Variants in DISC1 observed in about 807,000 individuals in gnomAD.
DISC1 encodes the protein DISC1 scaffold protein, also known as disrupted in schizophrenia 1 protein.
In DISC1, 57 loss-of-function variants were observed where a neutral mutation model predicts 84.5. That is an observed-to-expected ratio of 0.67 (90% CI 0.55 to 0.84). DISC1 has a LOEUF of 0.84. Among genes scored for constraint, DISC1 ranks in the 40% least tolerant of loss-of-function variants. DISC1 has a pLI of 0.00. For missense variants in DISC1, 1,000 were observed against 1,057.8 expected, an observed-to-expected ratio of 0.95 and a Z score of 0.76; for synonymous variants, 411 against 415.2, an observed-to-expected ratio of 0.99 and a Z score of 0.12.
chr1:231,635,875 A>G (rs2059150378), intron 1 of DISC1, among the ~76,000 whole-genome samples: 1 of 152,212 alleles, frequency 6.6e-6, no homozygotes, highest in Admixed American at 6.5e-5. Context: ...TGTCTACACC[A>G]TTGAGAAGCC....
intron 9 of DISC1, among the ~76,000 whole-genome samples, chr1:231,924,494 G>A (rs560562636): frequency 2.0e-5 from 3 of 152,246 alleles, no homozygotes; most frequent in South Asian, 2.1e-4. Context: ...GAATGTATCT[G>A]TGTGGGTGAA....
At chr1:231,849,208 C>T (rs1309746176) in intron 9 of DISC1, among the ~76,000 whole-genome samples, 2 of 150,744 alleles carry the variant, frequency 1.3e-5, no homozygotes, top group African/African-American at 4.9e-5. Context: ...GCAACCTCTG[C>T]CTCCCAGGTT....
At position 231,814,931 on chromosome 1, in the gene DISC1, A is replaced by G. The variant is rs888563243; in HGVS notation, c.1793-3398A>G. 2.8e-5 allele frequency: 3 copies of G among 107,084 alleles called. No individual in the cohort carries two copies. The South Asian group carries it at 9.7e-4, about 34-fold the overall frequency. The allele number at this position is 107,084 out of a possible 1,614,324, so 6.6% of individuals were successfully genotyped here. ...CACATCCCTGTTTCAGAGATGTTAAAATGTAAAATAATAATAATAATAATA... is the reference window on the plus strand; with the variant it reads ...CACATCCCTGTTTCAGAGATGTTAAGATGTAAAATAATAATAATAATAATA... On this transcript the variant is annotated intron_variant, in intron 8 of 12. Coordinates refer to ENST00000439617, the MANE Select transcript of DISC1 (RefSeq NM_018662.3).
chr1:231,898,856 C>T (rs2087914379), intron 9 of DISC1, among the ~76,000 whole-genome samples: 1 of 152,040 alleles, frequency 6.6e-6, no homozygotes, highest in Non-Finnish European at 1.5e-5. Context: ...TCGCTTGAAC[C>T]CAGCAGGCAG....
chr1:232,004,230 A>C (rs1401971753), intron 10 of DISC1, among the ~76,000 whole-genome samples: 3 of 151,960 alleles, frequency 2.0e-5, no homozygotes, highest in Non-Finnish European at 4.4e-5. Flanking sequence ...AATATAAGAT[A>C]AGAACAAATC....
intron 11 of DISC1, among the ~76,000 whole-genome samples, chr1:232,014,638 T>C (rs1200568828): frequency 6.6e-6 from 1 of 152,254 alleles, no homozygotes; most frequent in Non-Finnish European, 1.5e-5. Context: ...CCCTCTCATT[T>C]GCTATTCATT....
chr1:231,859,071 T>G (rs1180396942), intron 9 of DISC1, among the ~76,000 whole-genome samples: 1 of 152,210 alleles, frequency 6.6e-6, no homozygotes, highest in Admixed American at 6.5e-5. Context: ...CTCATCAACC[T>G]ATTTTGGAAA....
chr1:231,840,739 G>C (rs1240447942), intron 9 of DISC1, among the ~76,000 whole-genome samples: 1 of 151,010 alleles, frequency 6.6e-6, no homozygotes, highest in Admixed American at 6.6e-5. Flanking sequence ...ACGGAGTCTC[G>C]CTCTGTCACC....
At chr1:231,787,945 A>C (rs1416401272) in intron 6 of DISC1, among the ~76,000 whole-genome samples, 1 of 152,142 alleles carries the variant, frequency 6.6e-6, no homozygotes, top group African/African-American at 2.4e-5. Flanking sequence ...ATAAAGTAGC[A>C]CCACAGCCAC....
chr1:232,002,101 A>G (rs1349446333), intron 10 of DISC1, among the ~76,000 whole-genome samples: 2 of 152,212 alleles, frequency 1.3e-5, no homozygotes, highest in Non-Finnish European at 2.9e-5. Context: ...GGCTATATGG[A>G]TGGCAAAGAA....
intron 9 of DISC1, among the ~76,000 whole-genome samples, chr1:231,892,402 T>G (rs963486614): frequency 1.3e-5 from 2 of 152,162 alleles, no homozygotes; most frequent in African/African-American, 4.8e-5. Flanking sequence ...AGTAGTGCCT[T>G]CATGGCTCCC....
rs1323839016 is a variant in DISC1, at chr1:231,630,425, C to G, written c.67+3491C>G. Among the ~76,000 whole-genome samples the G allele has an allele frequency of 6.6e-6, 1 of 151,970 alleles. No individual in the cohort carries two copies. The highest frequency in any genetic ancestry group is 6.6e-5 in the Admixed American group (1 of 15,262). ...CTTCTGCCTCGACCTCCCAAAGTAC[C>G]AGGATTACAGATGTGAACCATTGCA... is the stretch of plus-strand genomic sequence containing the variant. On this transcript the variant is annotated intron_variant, in intron 1 of 12. Transcript: ENST00000439617. This position sits in a 1 kb window ranked among gnomAD's most constrained non-coding sequence, Gnocchi z 4.4.
intron 12 of DISC1, among the ~76,000 whole-genome samples, chr1:232,034,419 T>C (rs1398514721): frequency 2.6e-5 from 4 of 152,224 alleles, no homozygotes; most frequent in Admixed American, 1.3e-4. Flanking sequence ...TAGGGAGTTA[T>C]CTCCTCAAAT....
chr1:231,633,493 G>A (rs1415782925), intron 1 of DISC1, among the ~76,000 whole-genome samples: 5 of 152,178 alleles, frequency 3.3e-5, no homozygotes. Flanking sequence ...CAGGATTTGA[G>A]CTACTGTGTA....
intron 10 of DISC1, among the ~76,000 whole-genome samples, chr1:231,986,597 C>T (rs1664479399): frequency 6.6e-6 from 1 of 152,170 alleles, no homozygotes; most frequent in Non-Finnish European, 1.5e-5. Flanking sequence ...AGGAAACAAA[C>T]AGAGAAGTAA....
intron 1 of DISC1, among the ~76,000 whole-genome samples, chr1:231,691,117 A>G (rs909873576): frequency 6.6e-6 from 1 of 152,092 alleles, no homozygotes; most frequent in Non-Finnish European, 1.5e-5. Flanking sequence ...CCTTTGGTTG[A>G]GTGGTTTTAG....
intron 9 of DISC1, chr1:231,866,595 A>G (rs1284496146): frequency 2.1e-6 from 3 of 1,446,170 alleles, no homozygotes; most frequent in East Asian, 4.5e-5. Flanking sequence ...CCTGCAGGAC[A>G]CAGCACTGTG....
chr1:231,930,603 A>G (rs191242661), intron 9 of DISC1, among the ~76,000 whole-genome samples: 90 of 152,134 alleles, frequency 5.9e-4, no homozygotes, highest in African/African-American at 1.9e-3. Flanking sequence ...TCTACCCCAT[A>G]TGGCTCACAT....
chr1:232,040,360 C>G lies in DISC1; in HGVS notation c.*3529C>G, dbSNP rs1204839004. On this transcript the variant is annotated 3_prime_UTR_variant, in exon 13 of 13. Coordinates refer to ENST00000439617, the MANE Select transcript of DISC1 (RefSeq NM_018662.3). The stretch of plus-strand genomic sequence containing the variant: ...TTAGTATATACTATTGGAAACTTGT[C>G]TTTCCCTGCAGTAAGGCTGGTTTCC... 6.6e-6 allele frequency: 1 copy of G among 152,212 alleles called. No individual in the cohort carries two copies. Among genetic ancestry groups the G allele is most frequent in the Admixed American group, 6.5e-5 (1 of 15,272 alleles). 9.4% of individuals were successfully genotyped at this position (152,212 alleles called of 1,614,324 possible).
Sources: allele counts gnomAD v4.1 joint callset (sites outside exome capture counted in the v4.1 genomes callset), GRCh38; gene constraint gnomAD v4.1.1; non-coding constraint Gnocchi (gnomAD v3.1); transcripts MANE v1.5; gene names NCBI Gene and HGNC (gene_info 2026-07-23, HGNC 2026-07-21).